The following MICAL2 variants were observed in gnomAD, a reference collection of about 807,000 sequenced individuals.
MICAL2 encodes the protein [F-actin]-monooxygenase MICAL2.
Under a neutral mutation model 127.3 loss-of-function variants are expected in MICAL2, and 77 were observed. That is an observed-to-expected ratio of 0.60 (90% CI 0.50 to 0.73). MICAL2 has a LOEUF of 0.73. Ranked by LOEUF, MICAL2 falls within the 30% of genes least tolerant of loss-of-function variation. The probability of loss-of-function intolerance (pLI) is 0.00; values close to 1 mark genes in which losing one functional copy is unlikely to be tolerated. For synonymous variants in MICAL2, 570 were observed against 551.1 expected, an observed-to-expected ratio of 1.03 and a Z score of -0.48; for missense variants, 1,351 against 1,434.4, an observed-to-expected ratio of 0.94 and a Z score of 0.94.
chr11:12,183,272 C>T (rs1450471060), intron 3 of MICAL2, among the ~76,000 whole-genome samples: 2 of 151,850 alleles, frequency 1.3e-5, no homozygotes, highest in Non-Finnish European at 2.9e-5. Flanking sequence ...TTTAACTGAC[C>T]TGGGCCTTGG....
intron 6 of MICAL2, among the ~76,000 whole-genome samples, chr11:12,212,868 G>A (rs928123246): frequency 1.5e-4 from 23 of 152,142 alleles, no homozygotes; most frequent in African/African-American, 4.8e-4. Flanking sequence ...GGTCAGGAGC[G>A]GTGGCACCAT....
At chr11:12,138,081 G>C (rs930124381) in intron 1 of MICAL2, among the ~76,000 whole-genome samples, 1 of 152,200 alleles carries the variant, frequency 6.6e-6, no homozygotes, top group African/African-American at 2.4e-5. Context: ...CTAAAGCAGC[G>C]AATAAAGCAT....
At chr11:12,178,103 C>T (rs1246872735) in intron 3 of MICAL2, among the ~76,000 whole-genome samples, 1 of 152,102 alleles carries the variant, frequency 6.6e-6, no homozygotes, top group Non-Finnish European at 1.5e-5. Flanking sequence ...AAGGTTAATT[C>T]GCTCATCAAT....
chr11:12,131,983 G>GGTAGACCTTA (rs1851456138), intron 1 of MICAL2, among the ~76,000 whole-genome samples: 1 of 152,148 alleles, frequency 6.6e-6, no homozygotes, highest in Non-Finnish European at 1.5e-5. Flanking sequence ...CCTCACCCTA[G>GGTAGACCTTA]CTTTATAAGG....
At chr11:12,351,329 G>C (rs954041087) in intron 33 of MICAL2, among the ~76,000 whole-genome samples, 3 of 152,102 alleles carry the variant, frequency 2.0e-5, no homozygotes, top group Admixed American at 2.0e-4. Context: ...GTTCAGCCAG[G>C]GGCAATAACC....
intron 2 of MICAL2, among the ~76,000 whole-genome samples, chr11:12,152,297 C>CAAAAAAAAAAAAAAAAAAAAA (rs540812572): frequency 5.2e-5 from 2 of 38,396 alleles, no homozygotes; most frequent in African/African-American, 2.9e-4. Flanking sequence ...GACTCTGTCT[C>CAAAAAAAAAAAAAAAAAAAAA]AAAAAAAAAA....
intron 29 of MICAL2, among the ~76,000 whole-genome samples, chr11:12,307,894 T>G (rs1864131208): frequency 6.6e-6 from 1 of 152,316 alleles, no homozygotes; most frequent in East Asian, 1.9e-4. Context: ...TTTCTTGTCT[T>G]GTCTTTGAAA....
chr11:12,262,028 G>A (rs1863185161), intron 26 of MICAL2: 10 of 1,052,632 alleles, frequency 9.5e-6, no homozygotes, highest in Non-Finnish European at 1.1e-5. Flanking sequence ...GTCGTGTACA[G>A]CCATAAGGAG....
Position 12,226,266 on chromosome 11 carries a change from C to T in MICAL2, c.1784C>T (p.Thr595Met), listed in dbSNP as rs766960550. The stretch of plus-strand genomic sequence containing the variant: ...GAGTTTGGGATCCCTCCAGTGACCA[C>T]GGGCAAAGAGATGGCATCTGCCCAG... ...EREFGIPPVTTGKEMASAQEP... is the reference protein window; with the variant it reads ...EREFGIPPVTMGKEMASAQEP... The change falls in exon 14 of 28, where the codon ACG becomes ATG. Residue 595 changes from threonine (T) to methionine (M), a missense_variant. By Grantham distance (81) the Thr-to-Met change is moderately conservative (BLOSUM62 -1). This residue lies in a region of MICAL2 where 752 missense variants were observed against 719.4 expected (regional missense o/e 1.05). Coordinates refer to ENST00000683283, the MANE Select transcript of MICAL2 (RefSeq NM_001282663.2). 1.1e-5 allele frequency: 17 copies of T among 1,614,096 alleles called. No homozygotes were observed. Among genetic ancestry groups the T allele is most frequent in the Admixed American group, 5.0e-5 (3 of 60,008 alleles).
intron 31 of MICAL2, among the ~76,000 whole-genome samples, chr11:12,325,426 A>C (rs1416330490): frequency 6.6e-6 from 1 of 152,176 alleles, no homozygotes; most frequent in Non-Finnish European, 1.5e-5. Flanking sequence ...TTAGTGTCTA[A>C]AGAATGACAC....
chr11:12,279,990 GAT>G (rs147687268), intron 1 of MICAL2, among the ~76,000 whole-genome samples: 159 of 152,314 alleles, frequency 1.0e-3, no homozygotes, highest in African/African-American at 3.6e-3. Flanking sequence ...AGAGTGTGTG[GAT>G]ATATATAGTT....
At position 12,244,000 on chromosome 11, in the gene MICAL2, C is replaced by T. The variant is rs1205795499; in HGVS notation, c.2672C>T (p.Ser891Phe). 1 of 1,613,850 alleles carries T rather than the reference C, an allele frequency of 6.2e-7. No individual in the cohort carries two copies. The highest frequency in any genetic ancestry group is 1.3e-5 in the African/African-American group (1 of 74,922). The change falls in exon 21 of 28, where the codon TCT (serine) becomes TTT (phenylalanine). Residue 891 changes from serine (S) to phenylalanine (F), a missense_variant. This residue lies in a region of MICAL2 where 752 missense variants were observed against 719.4 expected (regional missense o/e 1.05). Transcript: ENST00000683283. ...HGDFPQNKLL[S>F]KGLSHTHPPS... Reference sequence around the variant, plus strand: ...TGTTCTGTGCAGAATAAACTACTCTCTAAAGGCCTGTCTCATACTCATCCT... The same window carrying T: ...TGTTCTGTGCAGAATAAACTACTCTTTAAAGGCCTGTCTCATACTCATCCT...
intron 32 of MICAL2, among the ~76,000 whole-genome samples, chr11:12,346,415 C>A (rs1938954785): frequency 6.6e-6 from 1 of 152,200 alleles, no homozygotes; most frequent in African/African-American, 2.4e-5. Flanking sequence ...CAAGCCCACA[C>A]AATGGGAAGT....
At chr11:12,117,879 G>T (rs1850168909) in intron 1 of MICAL2, among the ~76,000 whole-genome samples, 1 of 152,184 alleles carries the variant, frequency 6.6e-6, no homozygotes. Context: ...CACACAAGGG[G>T]ATTTCCAACC....
rs560345329 is a variant in MICAL2 at position 12,287,126 on chromosome 11, C to T, written c.296C>T (p.Pro99Leu). The T allele has an allele frequency of 7.5e-5, 30 of 398,992 alleles. No individual in the cohort carries two copies. The South Asian group carries it at 3.6e-3, about 47-fold the overall frequency. The allele number at this position is 398,992 out of a possible 1,614,324, so 24.7% of individuals were successfully genotyped here. The change falls in exon 3 of 3, where the codon CCA (proline) becomes CTA (leucine). Residue 99 changes from proline to leucine, a missense_variant. Pro to Leu is a moderately conservative substitution (Grantham distance 98, BLOSUM62 -3). Transcript: ENST00000529028. ...GCCAATAGCTTCCAGTCTCCAACCC[C>T]AAGCAAATACCAGAACTGGAGGAGA...
intron 16 of MICAL2, among the ~76,000 whole-genome samples, chr11:12,237,237 G>C (rs2134431299): frequency 6.6e-6 from 1 of 152,276 alleles, no homozygotes; most frequent in South Asian, 2.1e-4. Flanking sequence ...CTTAAAATAT[G>C]AACAAACCCA....
intron 3 of MICAL2, among the ~76,000 whole-genome samples, chr11:12,170,417 T>G (rs1856098294): frequency 2.6e-5 from 4 of 151,972 alleles, no homozygotes. Flanking sequence ...GCCACAGCAC[T>G]CCAGCCTGGG....
At chr11:12,244,974 G>A (rs1166762225) in intron 21 of MICAL2, among the ~76,000 whole-genome samples, 2 of 152,198 alleles carry the variant, frequency 1.3e-5, no homozygotes, top group Non-Finnish European at 2.9e-5. Context: ...AGAAGAGTGG[G>A]GAGCTAACTT....
At chr11:12,294,679 A>G, downstream of MICAL2, 1 of 1,614,178 alleles carries the variant, frequency 6.2e-7, no homozygotes, top group South Asian at 1.1e-5. Context: ...AATCCAGACA[A>G]AGAAAGGACA....
Sources: allele counts gnomAD v4.1 joint callset (sites outside exome capture counted in the v4.1 genomes callset), GRCh38; gene constraint gnomAD v4.1.1; regional missense constraint gnomAD v4.1.1; transcripts MANE v1.5; gene names NCBI Gene and HGNC (gene_info 2026-07-23, HGNC 2026-07-21).